Variants in UNC13B observed in about 807,000 individuals in gnomAD.
UNC13B encodes protein unc-13 homolog B.
UNC13B carries 144 observed loss-of-function variants against 211.0 expected under a neutral mutation model. The observed-to-expected ratio is 0.68, with a 90% confidence interval of 0.60 to 0.78. UNC13B has a LOEUF of 0.78. Among genes scored for constraint, UNC13B ranks in the 30% least tolerant of loss-of-function variants. The probability of loss-of-function intolerance (pLI) is 0.00; values close to 1 mark genes in which losing one functional copy is unlikely to be tolerated. For missense variants in UNC13B, 1,777 were observed against 2,002.0 expected (o/e 0.89, Z 2.14); for synonymous variants, 709 against 725.8 (o/e 0.98, Z 0.37).
chr9:35,400,697 G>A (rs1564201689), intron 37 of UNC13B, among the ~76,000 whole-genome samples: 1 of 152,160 alleles, frequency 6.6e-6, no homozygotes, highest in African/African-American at 2.4e-5. Context: ...GCCCATGCAT[G>A]TTTATTAAAC....
chr9:35,338,056 A>C (rs1831766316), intron 11 of UNC13B, among the ~76,000 whole-genome samples: 1 of 152,192 alleles, frequency 6.6e-6, no homozygotes, highest in South Asian at 2.1e-4. Flanking sequence ...ATAAACAAAT[A>C]CTACTTTAGG....
rs1338933750 is a variant in UNC13B at position 35,404,729 on chromosome 9, C to G, written c.*696C>G. On this transcript the variant is annotated 3_prime_UTR_variant, in exon 40 of 40. Transcript: ENST00000635942. The stretch of plus-strand genomic sequence containing the variant: ...TTCTTTGGACCCCAGGCACTAGGGG[C>G]CACCTGCCTGGGAGTCTCCCTGCCT... 1 of 152,586 alleles carries G rather than the reference C, an allele frequency of 6.6e-6. No homozygotes were observed. The highest frequency in any genetic ancestry group is 1.9e-4 in the East Asian group (1 of 5,192). The allele number at this position is 152,586 out of a possible 1,614,324, so 9.5% of individuals were successfully genotyped here.
At chr9:35,341,936 C>A in intron 11 of UNC13B, 1 of 985,588 alleles carries the variant, frequency 1.0e-6, no homozygotes, top group Non-Finnish European at 1.2e-6. Context: ...AATTCCACAT[C>A]CAGTTGAAGT....
intron 13 of UNC13B, among the ~76,000 whole-genome samples, chr9:35,374,259 C>A (rs985127463): frequency 2.3e-5 from 2 of 86,394 alleles, no homozygotes; most frequent in Non-Finnish European, 4.3e-5. Flanking sequence ...ACTTAACTCT[C>A]TGTGCTTGGC....
At chr9:35,393,674 C>T (rs189289522) in intron 26 of UNC13B, among the ~76,000 whole-genome samples, 4 of 149,384 alleles carry the variant, frequency 2.7e-5, no homozygotes, top group Admixed American at 6.8e-5. Flanking sequence ...TGGATTCAAG[C>T]GATTCTCATG....
intron 20 of UNC13B, 53 bp downstream of exon 20, chr9:35,381,772 A>T: frequency 9.4e-6 from 15 of 1,592,566 alleles, no homozygotes; most frequent in Non-Finnish European, 1.3e-5. Context: ...GGGGTGGCTA[A>T]TTAAGGCACA....
At chr9:35,235,496 C>G (rs1825448936) in intron 3 of UNC13B, among the ~76,000 whole-genome samples, 1 of 150,814 alleles carries the variant, frequency 6.6e-6, no homozygotes. Context: ...GTCACTCAGG[C>G]TGGAGTGCAG....
At chr9:35,378,240 G>A (rs886339486) in intron 16 of UNC13B, 55 bp from the exon 17 acceptor site, 98 of 1,610,286 alleles carry the variant, frequency 6.1e-5, no homozygotes, top group Non-Finnish European at 6.8e-5. Context: ...TATGAGTAGT[G>A]TTGTGGGGGG....
At chr9:35,296,540 C>T (rs1829368015) in intron 8 of UNC13B, among the ~76,000 whole-genome samples, 1 of 152,078 alleles carries the variant, frequency 6.6e-6, no homozygotes, top group African/African-American at 2.4e-5. Flanking sequence ...CTTCCATAGA[C>T]TGTTGTCATA....
chr9:35,220,937 G>T (rs10972386), intron 1 of UNC13B, among the ~76,000 whole-genome samples: 7,365 of 152,068 alleles, frequency 0.048, 395 homozygotes, highest in East Asian at 0.3. Context: ...TTGTCTTTTG[G>T]ATAAAAGCCA....
chr9:35,298,215 T>C (rs994206098), intron 8 of UNC13B, among the ~76,000 whole-genome samples: 1 of 152,188 alleles, frequency 6.6e-6, no homozygotes, highest in Non-Finnish European at 1.5e-5. Flanking sequence ...GTCCAAGAGC[T>C]TGAGACCAGC....
intron 1 of UNC13B, among the ~76,000 whole-genome samples, chr9:35,168,780 C>A (rs943416401): frequency 6.7e-6 from 1 of 150,246 alleles, no homozygotes; most frequent in Non-Finnish European, 1.5e-5. Flanking sequence ...CGGCTCACTG[C>A]AGTCTTGACC....
At chr9:35,356,162 C>G (rs564383036) in intron 11 of UNC13B, among the ~76,000 whole-genome samples, 2 of 152,248 alleles carry the variant, frequency 1.3e-5, no homozygotes, top group African/African-American at 4.8e-5. Context: ...TCCAGCACTC[C>G]CTTGCATAGA....
Position 35,386,214 on chromosome 9 carries a change from G to A in UNC13B, c.11015G>A (p.Cys3672Tyr). The change falls in exon 24 of 40, where the codon TGT becomes TAT. Residue 3672 changes from cysteine to tyrosine, a missense_variant. Cys to Tyr is a radical substitution (Grantham distance 194). Transcript: ENST00000635942. ...AGAGCCAGCCAGGTGGTAAAGGATT[G>A]TGTGAAGGCCTGTTTGAACTCCACA... ...PPRASQVVKDCVKACLNSTYE... is the reference protein window; with the variant it reads ...PPRASQVVKDYVKACLNSTYE... 1 of 1,614,190 alleles carries A rather than the reference G, an allele frequency of 6.2e-7. No individual in the cohort carries two copies. Among genetic ancestry groups the A allele is most frequent in the South Asian group, 1.1e-5 (1 of 91,084 alleles).
intron 7 of UNC13B, among the ~76,000 whole-genome samples, chr9:35,290,572 G>A (rs556523027): frequency 2.7e-5 from 4 of 150,884 alleles, no homozygotes; most frequent in Non-Finnish European, 4.4e-5. Flanking sequence ...GACTATCTTC[G>A]CTCCCAGACA....
chr9:35,219,890 T>C (rs1417804880), intron 1 of UNC13B, among the ~76,000 whole-genome samples: 5 of 152,180 alleles, frequency 3.3e-5, no homozygotes, highest in Admixed American at 3.3e-4. Flanking sequence ...TTCTAAAATG[T>C]GTGCATATGT....
rs561643856 is a variant in UNC13B, at chr9:35,303,740, G to A, written c.4336G>A (p.Val1446Met). The change falls in exon 9 of 40, where the codon GTG becomes ATG. Residue 1446 changes from valine (V) to methionine (M), a missense_variant. Physicochemically the swap from Val to Met is conservative, Grantham distance 21. Transcript: ENST00000635942. ...FNEDYLLRGD[V>M]WAANSLYGNS... ...TGAAGATTACTTATTAAGAGGTGAT[G>A]TGTGGGCAGCTAACTCATTATATGG... is the stretch of plus-strand genomic sequence containing the variant. The A allele has an allele frequency of 3.5e-5, 14 of 398,712 alleles. No homozygotes were observed. The East Asian group carries it at 3.9e-4, about 11-fold the overall frequency. The allele number at this position is 398,712 out of a possible 1,614,324, so 24.7% of individuals were successfully genotyped here. A position where few individuals can be genotyped will look rare whatever the true frequency, so the allele number is the denominator to read the frequency against.
At chr9:35,298,534 G>A (rs946458688) in intron 8 of UNC13B, among the ~76,000 whole-genome samples, 2 of 152,124 alleles carry the variant, frequency 1.3e-5, no homozygotes, top group Non-Finnish European at 2.9e-5. Context: ...TGCTCAGGCC[G>A]GTCTTGAATT....
intron 1 of UNC13B, among the ~76,000 whole-genome samples, chr9:35,220,705 A>C (rs184743228): frequency 2.0e-5 from 3 of 152,150 alleles, no homozygotes; most frequent in African/African-American, 7.2e-5. Flanking sequence ...AATCTTGGCT[A>C]TTGTGAAATG....
Sources: allele counts gnomAD v4.1 joint callset (sites outside exome capture counted in the v4.1 genomes callset), GRCh38; gene constraint gnomAD v4.1.1; transcripts MANE v1.5; gene names NCBI Gene and HGNC (gene_info 2026-07-23, HGNC 2026-07-21).